Variants in RELN observed in about 807,000 individuals in gnomAD.
The protein encoded by RELN is reelin.
In RELN, 108 loss-of-function variants were observed where a neutral mutation model predicts 427.6. That is an observed-to-expected ratio of 0.25 (90% CI 0.22 to 0.30). The LOEUF is 0.30. Among genes scored for constraint, RELN ranks in the 10% least tolerant of loss-of-function variants. The pLI is 1.00. For missense variants in RELN, 3,715 were observed against 4,302.8 expected (o/e 0.86, Z 3.82); for synonymous variants, 1,524 against 1,513.4 (o/e 1.01, Z -0.16).
intron 2 of RELN, among the ~76,000 whole-genome samples, chr7:103,835,537 T>C (rs1793379497): frequency 6.6e-6 from 1 of 152,166 alleles, no homozygotes; most frequent in Non-Finnish European, 1.5e-5. Flanking sequence ...GAGGTTTTAT[T>C]GTGTGTAGGG....
intron 17 of RELN, among the ~76,000 whole-genome samples, chr7:103,637,439 C>T (rs1159391764): frequency 6.6e-6 from 1 of 152,112 alleles, no homozygotes; most frequent in Non-Finnish European, 1.5e-5. Context: ...TTTGGCAGTA[C>T]TACTGAGACT....
chr7:103,918,374 G>C (rs889272332), intron 1 of RELN, among the ~76,000 whole-genome samples: 1 of 152,060 alleles, frequency 6.6e-6, no homozygotes, highest in Non-Finnish European at 1.5e-5. Flanking sequence ...CTATAAGAGG[G>C]ATACTATTAT....
chr7:103,987,095 T>G lies in RELN; in HGVS notation c.226+2036A>C, dbSNP rs1370302046. Reference sequence around the variant, plus strand: ...TTTACAAAAAAAAAAAAAAAAACTCTTACTTTAAGGCCTATAGCTACAGCT... The same window carrying G: ...TTTACAAAAAAAAAAAAAAAAACTCGTACTTTAAGGCCTATAGCTACAGCT... On this transcript the variant is annotated intron_variant, in intron 1 of 64. Coordinates refer to ENST00000428762, the MANE Select transcript of RELN (RefSeq NM_005045.4). Among the ~76,000 whole-genome samples, 3 of 144,932 alleles carry G rather than the reference T, an allele frequency of 2.1e-5. No individual in the cohort carries two copies. In the Admixed American group the frequency reaches 2.1e-4, roughly 10 times the overall value.
At chr7:103,538,599 T>C (rs922857944) in intron 45 of RELN, among the ~76,000 whole-genome samples, 1 of 152,152 alleles carries the variant, frequency 6.6e-6, no homozygotes, top group Non-Finnish European at 1.5e-5. Flanking sequence ...TTTGGGGGGA[T>C]ATAGAGAGGA....
intron 6 of RELN, among the ~76,000 whole-genome samples, chr7:103,735,222 C>G (rs933765070): frequency 2.6e-5 from 4 of 151,998 alleles, no homozygotes; most frequent in Non-Finnish European, 5.9e-5. Context: ...AGATTGCAAG[C>G]TTGTTATTTT....
chr7:103,585,488 C>A (rs1396245167), intron 28 of RELN, among the ~76,000 whole-genome samples: 1 of 152,044 alleles, frequency 6.6e-6, no homozygotes, highest in Non-Finnish European at 1.5e-5. Flanking sequence ...ATACAACCTC[C>A]CAAGCATTAA....
intron 28 of RELN, among the ~76,000 whole-genome samples, chr7:103,580,436 A>G (rs1244166357): frequency 1.3e-5 from 2 of 152,226 alleles, no homozygotes; most frequent in Non-Finnish European, 2.9e-5. Context: ...GTCTAAGAAA[A>G]TATTGATACA....
intron 3 of RELN, among the ~76,000 whole-genome samples, chr7:103,830,265 TA>T (rs1160667993): frequency 6.6e-6 from 1 of 151,916 alleles, no homozygotes; most frequent in Non-Finnish European, 1.5e-5. Context: ...ATTAGGTATA[TA>T]AAAATATTAC....
At chr7:103,823,089 A>G (rs1358283755) in intron 3 of RELN, among the ~76,000 whole-genome samples, 1 of 152,018 alleles carries the variant, frequency 6.6e-6, no homozygotes, top group Non-Finnish European at 1.5e-5. Flanking sequence ...TTTTGTTCTT[A>G]GGTAATTGCC....
intron 51 of RELN, among the ~76,000 whole-genome samples, chr7:103,506,855 G>A (rs977560248): frequency 1.3e-5 from 2 of 152,100 alleles, no homozygotes; most frequent in African/African-American, 4.8e-5. Context: ...TCAAGCAAAC[G>A]GAAAGCACAA....
At chr7:103,776,094 C>A (rs12375196) in intron 4 of RELN, among the ~76,000 whole-genome samples, 61,853 of 152,058 alleles carry the variant, frequency 0.41, 12,752 homozygotes, top group Middle Eastern at 0.51. Context: ...TAAATTGATA[C>A]AATGTCTAGC....
At chr7:103,925,020 A>ACT (rs1795700607) in intron 1 of RELN, among the ~76,000 whole-genome samples, 3 of 96,452 alleles carry the variant, frequency 3.1e-5, no homozygotes, top group Non-Finnish European at 4.4e-5. Flanking sequence ...ACACACACAC[A>ACT]CACACACACA....
chr7:103,837,859 T>C (rs1029775931), intron 2 of RELN, among the ~76,000 whole-genome samples: 1 of 152,146 alleles, frequency 6.6e-6, no homozygotes, highest in Non-Finnish European at 1.5e-5. Flanking sequence ...GTCTGACATA[T>C]CACAGATTCT....
chr7:103,565,766 A>G (rs1830737286), intron 33 of RELN, among the ~76,000 whole-genome samples: 1 of 152,182 alleles, frequency 6.6e-6, no homozygotes, highest in Non-Finnish European at 1.5e-5. Context: ...AAGCATTACC[A>G]CCTTGGAAAG....
chr7:103,726,570 T>G (rs968057536), intron 7 of RELN, among the ~76,000 whole-genome samples: 1 of 152,120 alleles, frequency 6.6e-6, no homozygotes, highest in African/African-American at 2.4e-5. Flanking sequence ...TAAACATACA[T>G]AGGATTAACT....
chr7:103,572,348 T>A (rs1830901931), intron 30 of RELN, 88 bp from the exon 31 acceptor site: 1 of 755,908 alleles, frequency 1.3e-6, no homozygotes, highest in Admixed American at 1.9e-5. Context: ...AAAAAAACCC[T>A]CCTGTATTTA....
intron 3 of RELN, among the ~76,000 whole-genome samples, chr7:103,805,924 G>A (rs1024824405): frequency 6.6e-6 from 1 of 152,104 alleles, no homozygotes; most frequent in Non-Finnish European, 1.5e-5. Flanking sequence ...ACTCACTATG[G>A]TCCATAGAAT....
intron 6 of RELN, among the ~76,000 whole-genome samples, chr7:103,740,526 A>T (rs74300478): frequency 0.073 from 11,132 of 152,268 alleles, 530 homozygotes; most frequent in East Asian, 0.18. Context: ...CATAAAAAAC[A>T]TTTCTTATTT....
intron 8 of RELN, among the ~76,000 whole-genome samples, chr7:103,704,657 C>G (rs1358974769): frequency 1.3e-5 from 2 of 151,762 alleles, no homozygotes; most frequent in Non-Finnish European, 2.9e-5. Context: ...AAACATCTAC[C>G]AATGCACAAC....
Sources: gnomAD v4.1 joint callset for allele counts (sites outside exome capture counted in the v4.1 genomes callset) on GRCh38, gnomAD v4.1.1 for gene constraint, MANE v1.5 for transcripts, NCBI Gene and HGNC (gene_info 2026-07-23, HGNC 2026-07-21) for gene names.